Variants in LRRIQ1 observed in about 807,000 individuals in gnomAD.
LRRIQ1 encodes the protein leucine-rich repeat- and IQ domain-containing protein 1.
LRRIQ1 carries 210 observed loss-of-function variants against 211.9 expected under a neutral mutation model. The ratio of observed to expected loss-of-function variants is 0.99; its 90% CI spans 0.89 to 1.11. LRRIQ1 has a LOEUF of 1.11. LRRIQ1 is among the 50% of genes most tolerant of loss of function. The pLI is 0.00. For synonymous variants in LRRIQ1, 699 were observed against 650.1 expected (o/e 1.08, Z -1.14); for missense variants, 2,136 against 1,939.5 (o/e 1.10, Z -1.90).
At chr12:85,229,454 A>G (rs1894826063) in intron 24 of LRRIQ1, 63 bp from the exon 25 acceptor site, 1 of 1,388,850 alleles carries the variant, frequency 7.2e-7, no homozygotes, top group Non-Finnish European at 9.7e-7. Flanking sequence ...GCACAGATGG[A>G]ACTGGTTGGC....
At chr12:85,081,723 CTTT>C (rs766961193) in intron 11 of LRRIQ1, among the ~76,000 whole-genome samples, 70 of 113,412 alleles carry the variant, frequency 6.2e-4, no homozygotes, top group Non-Finnish European at 9.8e-4. Context: ...TCTTCTTCTT[CTTT>C]TTTTTTTTTT....
At chr12:85,246,493 A>C (rs761297465), downstream of LRRIQ1, among the ~76,000 whole-genome samples, 24 of 151,476 alleles carry the variant, frequency 1.6e-4, no homozygotes, top group Middle Eastern at 3.2e-3. Flanking sequence ...TAGAATTTCA[A>C]AACTTCTGTT....
downstream of LRRIQ1, among the ~76,000 whole-genome samples, chr12:85,265,923 C>T (rs2137351434): frequency 6.6e-6 from 1 of 151,034 alleles, no homozygotes; most frequent in East Asian, 2.0e-4. Context: ...TATTAGGAGA[C>T]ACAGAGACTA....
At chr12:85,257,280 G>A (rs909322550) in intron 1 of LRRIQ1, among the ~76,000 whole-genome samples, 2 of 102,386 alleles carry the variant, frequency 2.0e-5, no homozygotes, top group Admixed American at 1.2e-4. Flanking sequence ...AACTATAAGC[G>A]TCACTTATGC....
chr12:85,233,028 A>G, intron 26 of LRRIQ1: 1 of 330,928 alleles, frequency 3.0e-6, no homozygotes, highest in South Asian at 4.5e-5. Context: ...CTGTGGATGG[A>G]AAATTGAAAC....
chr12:85,232,930 C>G (rs1895015026), intron 26 of LRRIQ1, 174 bp downstream of exon 26: 2 of 522,450 alleles, frequency 3.8e-6, no homozygotes, highest in Non-Finnish European at 6.6e-6. Context: ...ACTTGTAATA[C>G]AATTTAAAAT....
chr12:85,227,487 G>A (rs1894720726), intron 24 of LRRIQ1, among the ~76,000 whole-genome samples: 1 of 152,026 alleles, frequency 6.6e-6, no homozygotes, highest in African/African-American at 2.4e-5. Context: ...AGAAGTATCT[G>A]TTCATATCCT....
At chr12:85,123,978 G>A in intron 16 of LRRIQ1, 92 bp from the exon 17 acceptor site, 1 of 788,782 alleles carries the variant, frequency 1.3e-6, no homozygotes, top group Non-Finnish European at 2.0e-6. Flanking sequence ...ATATTCATTT[G>A]AGGCCATACA....
intron 14 of LRRIQ1, among the ~76,000 whole-genome samples, chr12:85,105,987 G>A (rs1436700761): frequency 6.6e-6 from 1 of 151,776 alleles, no homozygotes; most frequent in Admixed American, 6.6e-5. Flanking sequence ...GTAGAGATGG[G>A]ATTTCTCCAT....
At chr12:85,126,562 C>A (rs968414868) in intron 17 of LRRIQ1, among the ~76,000 whole-genome samples, 1 of 151,944 alleles carries the variant, frequency 6.6e-6, no homozygotes, top group African/African-American at 2.4e-5. Context: ...GTTCTGTTTA[C>A]CCTAGGAGGA....
intron 24 of LRRIQ1, among the ~76,000 whole-genome samples, chr12:85,188,389 A>T (rs1459063070): frequency 2.0e-5 from 3 of 152,180 alleles, no homozygotes; most frequent in Non-Finnish European, 4.4e-5. Flanking sequence ...CACAGAATGC[A>T]TAAACAGCAT....
At chr12:85,052,676 C>G (rs530819087) in intron 7 of LRRIQ1, among the ~76,000 whole-genome samples, 1 of 152,108 alleles carries the variant, frequency 6.6e-6, no homozygotes, top group East Asian at 1.9e-4. Flanking sequence ...TAAGTAATTA[C>G]AAATTTAAAG....
chr12:85,106,664 G>GA, intron 15 of LRRIQ1, 49 bp downstream of exon 15: 1 of 1,286,396 alleles, frequency 7.8e-7, no homozygotes, highest in Non-Finnish European at 1.1e-6. Flanking sequence ...TATAGTTGCA[G>GA]AAAAAAGTTT....
intron 26 of LRRIQ1, among the ~76,000 whole-genome samples, chr12:85,235,593 G>A (rs929206124): frequency 1.1e-4 from 16 of 152,148 alleles, no homozygotes; most frequent in Non-Finnish European, 4.4e-5. Flanking sequence ...TCTCTTCAGC[G>A]AAGGATAATT....
rs1400137989 is a variant in LRRIQ1, at chr12:85,160,622, T to C, written c.4730T>C (p.Val1577Ala). 1.9e-6 allele frequency: 3 copies of C among 1,601,728 alleles called. No individual in the cohort carries two copies. The highest frequency in any genetic ancestry group is 2.6e-6 in the Non-Finnish European group (3 of 1,170,092). The change falls in exon 24 of 27, where the codon GTG (valine) becomes GCG (alanine). Residue 1577 changes from valine to alanine, a missense_variant. Val to Ala is a moderately conservative substitution (Grantham distance 64, BLOSUM62 0). Transcript: ENST00000393217. Reference sequence around the variant, plus strand: ...TATTCGTTTTGTTTAGATTCCACTGTGCGTCTAGCCTTATTCAAAAACAAT... The same window carrying C: ...TATTCGTTTTGTTTAGATTCCACTGCGCGTCTAGCCTTATTCAAAAACAAT... Reference protein sequence around the residue: ...KKLKKKIDSTVRLALFKNNEN... With the variant: ...KKLKKKIDSTARLALFKNNEN...
rs1888484648 is a variant in LRRIQ1 at position 85,127,882 on chromosome 12, GAC to G, written c.4060_4061del (p.Gln1354AspfsTer69). The G allele has an allele frequency of 6.2e-7, 1 of 1,613,862 alleles. No individual in the cohort carries two copies. The highest frequency in any genetic ancestry group is 8.5e-7 in the Non-Finnish European group (1 of 1,180,028). ...TACTGGCGTGGTTACCTCATGCGCA[GAC>G]AGACTCATTTCTCCACAAGGCTACA... is the stretch of plus-strand genomic sequence containing the variant. On this transcript the variant is annotated frameshift_variant, in exon 18 of 27. Transcript: ENST00000393217. LOFTEE classifies it high-confidence loss of function.
At position 85,217,468 on chromosome 12, in the gene LRRIQ1, A is replaced by G. The variant is rs112882875; in HGVS notation, c.4823-12049A>G. 5.8e-4 allele frequency among the ~76,000 whole-genome samples: 42 copies of G among 71,990 alleles called. No individual in the cohort carries two copies. In the South Asian group the frequency reaches 0.011, roughly 18 times the overall value. The allele number at this position is 71,990 out of a possible 152,430, so 47.2% of individuals were successfully genotyped here. ...TTTAGATAGAGCAGGGACCTGAAGT[A>G]TATATATATATATATATATATATGT... On this transcript the variant is annotated intron_variant, in intron 24 of 26. Transcript: ENST00000393217.
chr12:85,168,778 G>A (rs372084669), intron 24 of LRRIQ1, among the ~76,000 whole-genome samples: 4 of 152,130 alleles, frequency 2.6e-5, no homozygotes, highest in African/African-American at 9.7e-5. Context: ...TTGTGACTTC[G>A]AAAGGCCATT....
intron 11 of LRRIQ1, among the ~76,000 whole-genome samples, chr12:85,083,211 T>G (rs1884477149): frequency 1.3e-5 from 2 of 152,178 alleles, no homozygotes; most frequent in Admixed American, 1.3e-4. Flanking sequence ...ATTGTCATAT[T>G]CATCAGTTTA....
Sources: gnomAD v4.1 joint callset for allele counts (sites outside exome capture counted in the v4.1 genomes callset) on GRCh38, gnomAD v4.1.1 for gene constraint, MANE v1.5 for transcripts, NCBI Gene and HGNC (gene_info 2026-07-23, HGNC 2026-07-21) for gene names.